Variants in TMPRSS3 observed in about 807,000 individuals in gnomAD.
TMPRSS3 encodes the protein transmembrane protease serine 3.
Under a neutral mutation model 59.6 loss-of-function variants are expected in TMPRSS3, and 55 were observed. The observed-to-expected ratio is 0.92, with a 90% CI of 0.74 to 1.16. The LOEUF (loss-of-function observed/expected upper bound fraction) is 1.16. TMPRSS3 is among the 50% of genes most tolerant of loss of function. The pLI, the probability that TMPRSS3 is intolerant of heterozygous loss-of-function variation, is 0.00. For missense variants in TMPRSS3, 596 were observed against 579.4 expected, an observed-to-expected ratio of 1.03 and a Z score of -0.29; for synonymous variants, 257 against 237.7, an observed-to-expected ratio of 1.08 and a Z score of -0.75.
At chr21:42,395,730 G>C (rs2052797328) in intron 1 of TMPRSS3, 1 of 395,898 alleles carries the variant, frequency 2.5e-6, no homozygotes, top group African/African-American at 2.1e-5. Context: ...CTTTCCCATT[G>C]TTTGTCCAAC....
In TMPRSS3 at chr21:42,388,478, G is replaced by A. The variant is rs747531199; in HGVS notation, c.371C>T (p.Ser124Leu). 15 of 1,614,210 alleles carry A rather than the reference G, an allele frequency of 9.3e-6. No individual in the cohort carries two copies. Among genetic ancestry groups the A allele is most frequent in the Admixed American group, 1.7e-5 (1 of 60,030 alleles). ...GTCATCGGAGCACATGGTCTTCCAC[G>A]AAGCAGCTGTGAACACCTGGAGCAC... The part of the protein sequence containing the change: ...NAVLQVFTAA[S>L]WKTMCSDDWK... The change falls in exon 5 of 13, where the codon TCG becomes TTG. Residue 124 changes from serine (S) to leucine (L), a missense_variant. By Grantham distance (145) the Ser-to-Leu change is moderately radical. Transcript: ENST00000644384. This position sits in a 1 kb window ranked among gnomAD's most constrained non-coding sequence, Gnocchi z 5.1.
In TMPRSS3 at chr21:42,379,894, C is replaced by T. The variant is rs1464865641; in HGVS notation, c.1048+223G>A. On this transcript the variant is annotated intron_variant, in intron 10 of 12. Transcript: ENST00000644384. ...GTGTTCGAGAAGGTCTAACTCTCTC[C>T]TGAGAAGGTCTGCAGGGTCATGTTG... Among the ~76,000 whole-genome samples the T allele has an allele frequency of 2.6e-5, 4 of 152,148 alleles. No homozygotes were observed. In the East Asian group the frequency reaches 7.7e-4, roughly 29 times the overall value.
chr21:42,386,853 T>A, intron 5 of TMPRSS3, among the ~76,000 whole-genome samples: 1 of 152,102 alleles, frequency 6.6e-6, no homozygotes, highest in South Asian at 2.1e-4. Flanking sequence ...GCAGAGAAGA[T>A]TAAAGAAGGA....
In TMPRSS3 at chr21:42,375,625, C is replaced by G; in HGVS notation, c.1344+91G>C. Reference sequence around the variant, plus strand: ...GAATTGACAACCACTGGGTCACGCCCTGGTTTTTATAGCAAGACCAGGGTT... The same window carrying G: ...GAATTGACAACCACTGGGTCACGCCGTGGTTTTTATAGCAAGACCAGGGTT... On this transcript the variant is annotated intron_variant, in intron 12 of 12. Coordinates refer to ENST00000644384, the MANE Select transcript of TMPRSS3 (RefSeq NM_001256317.3). The G allele has an allele frequency of 1.9e-6, 3 of 1,559,106 alleles. No homozygotes were observed. In the South Asian group the frequency reaches 3.4e-5, roughly 17 times the overall value.
rs1411162430 is a variant in TMPRSS3 at position 42,383,527 on chromosome 21, C to T, written c.617-329G>A. On this transcript the variant is annotated intron_variant, in intron 7 of 12. Coordinates refer to ENST00000644384, the MANE Select transcript of TMPRSS3 (RefSeq NM_001256317.3). ...TGGGATGTCAGGAGCAGGCAGGAAC[C>T]TTCTGCAGCCCCCTCCTCACTGCCG... 10 of 522,890 alleles carry T rather than the reference C, an allele frequency of 1.9e-5. No homozygotes were observed. The East Asian group carries it at 3.1e-4, about 16-fold the overall frequency. The allele number at this position is 522,890 out of a possible 1,614,324, so 32.4% of individuals were successfully genotyped here. A position where few individuals can be genotyped will look rare whatever the true frequency, so the allele number is the denominator to read the frequency against.
chr21:42,375,880 G>A lies in TMPRSS3; in HGVS notation c.1192-12C>T, dbSNP rs761584256. The A allele has an allele frequency of 4.3e-6, 7 of 1,613,336 alleles. No individual in the cohort carries two copies. Among genetic ancestry groups the A allele is most frequent in the East Asian group, 2.2e-5 (1 of 44,866 alleles). On this transcript the variant is annotated splice_polypyrimidine_tract_variant and intron_variant, in intron 11 of 12. Transcript: ENST00000644384. ...CCCCCGCTGTCCCCCTGGGTGACAGGAAAGAAGCAAAGATTGGGGGACAGT... is the reference window on the plus strand; with the variant it reads ...CCCCCGCTGTCCCCCTGGGTGACAGAAAAGAAGCAAAGATTGGGGGACAGT...
At position 42,373,178 on chromosome 21, in the gene TMPRSS3, C is replaced by T. The variant is rs75290530; in HGVS notation, c.1345-399G>A. Among the ~76,000 whole-genome samples the T allele has an allele frequency of 1.8e-3, 278 of 152,314 alleles. 8 individuals carry two copies. The East Asian group carries it at 0.043, about 23-fold the overall frequency. Reference sequence around the variant, plus strand: ...CCAACTAGCACACGGGACACTTCCCCGCAAGACAGTGAGTCTTCCAAAGGC... The same window carrying T: ...CCAACTAGCACACGGGACACTTCCCTGCAAGACAGTGAGTCTTCCAAAGGC... On this transcript the variant is annotated intron_variant, in intron 12 of 12. Coordinates refer to ENST00000644384, the MANE Select transcript of TMPRSS3 (RefSeq NM_001256317.3).
chr21:42,391,854 G>A (rs184917145), intron 2 of TMPRSS3, among the ~76,000 whole-genome samples: 1 of 152,298 alleles, frequency 6.6e-6, no homozygotes, highest in African/African-American at 2.4e-5. Context: ...CTTGCCCCTA[G>A]AACCAGGCAA....
chr21:42,386,373 C>T (rs71320521), intron 5 of TMPRSS3, among the ~76,000 whole-genome samples: 5,132 of 152,320 alleles, frequency 0.034, 125 homozygotes, highest in Middle Eastern at 0.092. Context: ...GTAATCAAGG[C>T]GGCGGGCACG....
In TMPRSS3 at chr21:42,389,981, T is replaced by A. The variant is rs1015226296; in HGVS notation, c.151A>T (p.Ile51Phe). 6.2e-7 allele frequency: 1 copy of A among 1,614,114 alleles called. No individual in the cohort carries two copies. Among genetic ancestry groups the A allele is most frequent in the Admixed American group, 1.7e-5 (1 of 60,026 alleles). Residue 51 changes from isoleucine (I) to phenylalanine (F), a missense_variant, in exon 3 of 13, where the codon ATC becomes TTC. Ile to Phe is a conservative substitution (Grantham distance 21). Transcript: ENST00000644384. The part of the protein sequence containing the change: ...LSLLPLKFFP[I>F]IVIGIIALIL... ...AATGCAATGATCCCAATGACGATGA[T>A]TGGAAAAAACTTCAATGGCAGCAGT...
chr21:42,377,722 A>G (rs1352048398), intron 10 of TMPRSS3, among the ~76,000 whole-genome samples: 1 of 152,178 alleles, frequency 6.6e-6, no homozygotes, highest in Non-Finnish European at 1.5e-5. Flanking sequence ...AAATCACACA[A>G]TGACAGGACC....
chr21:42,389,555 C>A (rs765030291), intron 3 of TMPRSS3, among the ~76,000 whole-genome samples: 1 of 152,248 alleles, frequency 6.6e-6, no homozygotes, highest in Non-Finnish European at 1.5e-5. Context: ...AAGCCACATG[C>A]ACCTTATTGT....
chr21:42,383,906 G>T (rs759969629), intron 7 of TMPRSS3, 64 bp downstream of exon 7: 2 of 1,561,712 alleles, frequency 1.3e-6, no homozygotes, highest in East Asian at 4.5e-5. Context: ...GACTCTGAGG[G>T]CAAGGAGATA....
chr21:42,379,970 T>G (rs1318119026), intron 10 of TMPRSS3, 147 bp downstream of exon 10: 1 of 704,192 alleles, frequency 1.4e-6, no homozygotes, highest in African/African-American at 1.8e-5. Flanking sequence ...CTTGGCTGAC[T>G]GTGTCCCGAG....
At chr21:42,386,076 C>G (rs938383314) in intron 5 of TMPRSS3, among the ~76,000 whole-genome samples, 4 of 152,150 alleles carry the variant, frequency 2.6e-5, no homozygotes, top group African/African-American at 9.7e-5. Flanking sequence ...CACCAGAGCC[C>G]AGCTCATTTT....
intron 2 of TMPRSS3, 59 bp downstream of exon 2, chr21:42,395,265 T>C (rs1483799424): frequency 2.1e-6 from 3 of 1,423,966 alleles, no homozygotes; most frequent in African/African-American, 1.4e-5. Flanking sequence ...TCAGTCACAT[T>C]GGTCACCTAC....
chr21:42,395,903 G>T (rs1229086424), intron 1 of TMPRSS3, 39 bp downstream of exon 1: 1 of 516,056 alleles, frequency 1.9e-6, no homozygotes, highest in South Asian at 1.4e-5. Flanking sequence ...CTGTGCGTGT[G>T]GTACACCTAC....
chr21:42,389,132 G>C, intron 3 of TMPRSS3, 87 bp from the exon 4 acceptor site: 7 of 1,588,110 alleles, frequency 4.4e-6, no homozygotes, highest in Non-Finnish European at 5.1e-6. Context: ...ACAGTGCGGA[G>C]CTGGCCCGTG....
intron 6 of TMPRSS3, among the ~76,000 whole-genome samples, chr21:42,384,633 C>T (rs1310942614): frequency 6.6e-6 from 1 of 152,232 alleles, no homozygotes; most frequent in Non-Finnish European, 1.5e-5. Context: ...CTAGTGTCAC[C>T]AGACTGTGGA....
Sources: allele counts gnomAD v4.1 joint callset (sites outside exome capture counted in the v4.1 genomes callset), GRCh38; gene constraint gnomAD v4.1.1; non-coding constraint Gnocchi (gnomAD v3.1); transcripts MANE v1.5; gene names NCBI Gene and HGNC (gene_info 2026-07-23, HGNC 2026-07-21).